Variants in PARL observed in about 807,000 individuals in gnomAD.
The protein encoded by PARL is presenilin-associated rhomboid-like protein, mitochondrial.
A neutral mutation model predicts 51.6 loss-of-function variants in PARL; 44 were observed. That is an observed-to-expected ratio of 0.85 (90% CI 0.67 to 1.10). The LOEUF (loss-of-function observed/expected upper bound fraction) is 1.10. PARL is among the 50% of genes least tolerant of loss of function. The pLI is 0.00. For synonymous variants in PARL, 172 were observed against 164.0 expected (o/e 1.05, Z -0.37); for missense variants, 441 against 469.5 (o/e 0.94, Z 0.56).
intron 4 of PARL, among the ~76,000 whole-genome samples, chr3:183,859,776 T>C (rs891749290): frequency 6.6e-6 from 1 of 152,220 alleles, no homozygotes; most frequent in Non-Finnish European, 1.5e-5. Flanking sequence ...CCCCTCATTC[T>C]CTGAAACTCA....
chr3:183,856,922 T>A (rs1204690608), intron 4 of PARL, among the ~76,000 whole-genome samples: 2 of 152,240 alleles, frequency 1.3e-5, no homozygotes, highest in African/African-American at 4.8e-5. Flanking sequence ...CCTAAAAATA[T>A]ACTTGTACAA....
intron 7 of PARL, among the ~76,000 whole-genome samples, chr3:183,838,233 C>A (rs1372336176): frequency 1.3e-5 from 2 of 151,978 alleles, no homozygotes; most frequent in African/African-American, 2.4e-5. Flanking sequence ...CACTTTGTTG[C>A]CCAGGCTAGT....
chr3:183,881,988 A>T (rs1284059457), intron 1 of PARL, among the ~76,000 whole-genome samples: 1 of 151,610 alleles, frequency 6.6e-6, no homozygotes, highest in African/African-American at 2.4e-5. Context: ...ATCACTTGAG[A>T]CCAGGAGTTC....
At chr3:183,855,776 A>G (rs1412975974) in intron 4 of PARL, among the ~76,000 whole-genome samples, 1 of 151,968 alleles carries the variant, frequency 6.6e-6, no homozygotes, top group Non-Finnish European at 1.5e-5. Flanking sequence ...CCTGGCCAAC[A>G]TGGCAAAACC....
chr3:183,882,222 A>AAATATATATAT (rs1401913573), intron 1 of PARL, among the ~76,000 whole-genome samples: 1 of 46,112 alleles, frequency 2.2e-5, no homozygotes, highest in East Asian at 1.3e-3. Context: ...AAAAAAAAAA[A>AAATATATATAT]ATATATATAT....
rs145526857 is a variant in PARL at position 183,880,151 on chromosome 3, A to G, written c.125+4571T>C. 2.6e-5 allele frequency among the ~76,000 whole-genome samples: 4 copies of G among 152,304 alleles called. No homozygotes were observed. The East Asian group carries it at 7.7e-4, about 29-fold the overall frequency. On this transcript the variant is annotated intron_variant, in intron 1 of 9. Coordinates refer to ENST00000317096, the MANE Select transcript of PARL (RefSeq NM_018622.7). ...CACCTCTTCCCAATCAGATGGGTAT[A>G]TAAGACAGGGAAATAAATTACTTAC... is the stretch of plus-strand genomic sequence containing the variant.
chr3:183,858,928 A>C (rs1201691729), intron 4 of PARL, among the ~76,000 whole-genome samples: 2 of 152,116 alleles, frequency 1.3e-5, no homozygotes, highest in East Asian at 1.9e-4. Context: ...ATCCCCAAAC[A>C]AACCAAAAAA....
chr3:183,883,963 T>G (rs113088016), intron 1 of PARL, among the ~76,000 whole-genome samples: 13 of 152,364 alleles, frequency 8.5e-5, no homozygotes, highest in African/African-American at 2.9e-4. Context: ...AGCAATCAGG[T>G]GGATTCGAGG....
At chr3:183,846,146 GAT>G (rs988515206) in intron 4 of PARL, among the ~76,000 whole-genome samples, 2 of 151,906 alleles carry the variant, frequency 1.3e-5, no homozygotes, top group Non-Finnish European at 2.9e-5. Flanking sequence ...TCAAGACGAG[GAT>G]ATGTTTCTGG....
chr3:183,867,496 C>A (rs908668530), intron 2 of PARL, among the ~76,000 whole-genome samples: 4 of 151,890 alleles, frequency 2.6e-5, no homozygotes, highest in Non-Finnish European at 5.9e-5. Flanking sequence ...GTCAGGAGAT[C>A]GAGACCATCC....
chr3:183,867,745 C>T (rs1358891186), intron 2 of PARL, 120 bp downstream of exon 2: 1 of 769,820 alleles, frequency 1.3e-6, no homozygotes. Context: ...AATTCATGAG[C>T]CCAGCTCTTT....
In PARL at chr3:183,867,971, T is replaced by C; in HGVS notation, c.215A>G (p.Glu72Gly). The C allele has an allele frequency of 6.2e-7, 1 of 1,614,012 alleles. No individual in the cohort carries two copies. The highest frequency in any genetic ancestry group is 8.5e-7 in the Non-Finnish European group (1 of 1,179,852). ...AATCAAAGCACTTCTCTTGTATGCTTCACCACTTGTCCCTGGGTCTGATCT... is the reference window on the plus strand; with the variant it reads ...AATCAAAGCACTTCTCTTGTATGCTCCACCACTTGTCCCTGGGTCTGATCT... ...PRRSDPGTSG[E>G]AYKRSALIPP... The change falls in exon 2 of 10, where the codon GAA becomes GGA. Residue 72 changes from glutamate (E) to glycine (G), a missense_variant. Transcript: ENST00000317096.
At chr3:183,867,655 G>T (rs1357566185) in intron 2 of PARL, among the ~76,000 whole-genome samples, 1 of 150,870 alleles carries the variant, frequency 6.6e-6, no homozygotes, top group Non-Finnish European at 1.5e-5. Context: ...AGCCGAGATC[G>T]CGCCACTGCA....
At chr3:183,875,632 G>A (rs1237530243) in intron 1 of PARL, among the ~76,000 whole-genome samples, 6 of 152,184 alleles carry the variant, frequency 3.9e-5, no homozygotes, top group Admixed American at 3.3e-4. Flanking sequence ...TGGTTCATGA[G>A]GTTTAAGGAA....
At chr3:183,854,429 T>C (rs1359464200) in intron 4 of PARL, among the ~76,000 whole-genome samples, 3 of 152,160 alleles carry the variant, frequency 2.0e-5, no homozygotes, top group African/African-American at 7.2e-5. Flanking sequence ...AAGTAAATAC[T>C]GTCACGTGCT....
downstream of PARL, chr3:183,826,759 T>A: frequency 1.0e-6 from 1 of 985,254 alleles, no homozygotes; most frequent in African/African-American, 1.7e-5. Flanking sequence ...AGGGGCCGGG[T>A]CAGAGTGAAC....
At chr3:183,860,661 A>G (rs1412110322) in intron 4 of PARL, among the ~76,000 whole-genome samples, 1 of 152,206 alleles carries the variant, frequency 6.6e-6, no homozygotes, top group African/African-American at 2.4e-5. Flanking sequence ...GCATGAGAAA[A>G]GGTTTTAAAC....
intron 1 of PARL, 137 bp downstream of exon 1, chr3:183,884,585 G>T: frequency 1.2e-6 from 1 of 822,182 alleles, no homozygotes; most frequent in Non-Finnish European, 1.9e-6. Flanking sequence ...GGCGAGAGAG[G>T]AGAGAGAAGG....
intron 1 of PARL, among the ~76,000 whole-genome samples, chr3:183,875,991 A>C (rs185808895): frequency 5.3e-4 from 80 of 152,238 alleles, no homozygotes; most frequent in Middle Eastern, 3.4e-3. Flanking sequence ...TCGAACAACA[A>C]AGCCTAGATT....
Sources: gnomAD v4.1 joint callset for allele counts (sites outside exome capture counted in the v4.1 genomes callset) on GRCh38, gnomAD v4.1.1 for gene constraint, MANE v1.5 for transcripts, NCBI Gene and HGNC (gene_info 2026-07-23, HGNC 2026-07-21) for gene names.